SCNN1B: variants seen among roughly 807,000 people sequenced by gnomAD.
SCNN1B encodes epithelial sodium channel subunit beta.
In SCNN1B, 46 loss-of-function variants were observed where a neutral mutation model predicts 65.3. The ratio of observed to expected loss-of-function variants is 0.70; its 90% CI spans 0.56 to 0.90. SCNN1B has a LOEUF of 0.90. Ranked by LOEUF, SCNN1B falls within the 40% of genes least tolerant of loss-of-function variation. The pLI, the probability that SCNN1B is intolerant of heterozygous loss-of-function variation, is 0.00. For synonymous variants in SCNN1B, 349 were observed against 330.6 expected, an observed-to-expected ratio of 1.06 and a Z score of -0.60; for missense variants, 751 against 830.5, an observed-to-expected ratio of 0.90 and a Z score of 1.18.
intron 2 of SCNN1B, 137 bp downstream of exon 2, chr16:23,349,047 C>T: frequency 1.4e-6 from 1 of 728,246 alleles, no homozygotes; most frequent in East Asian, 2.7e-5. Context: ...CCCCTTTCTT[C>T]CTTCCTTTCT....
At position 23,315,229 on chromosome 16, in the gene SCNN1B, C is replaced by T. The variant is rs181340403; in HGVS notation, c.-9+12792C>T. Among the ~76,000 whole-genome samples, 14 of 152,116 alleles carry T rather than the reference C, an allele frequency of 9.2e-5. No individual in the cohort carries two copies. The East Asian group carries it at 2.7e-3, about 29-fold the overall frequency. The stretch of plus-strand genomic sequence containing the variant: ...GTGCATGCCTGTAGTCCCAGCTGCT[C>T]AGGAGGCTGAGGCAGGAGAATCGCT... On this transcript the variant is annotated intron_variant, in intron 1 of 12. Transcript: ENST00000343070.
intron 2 of SCNN1B, among the ~76,000 whole-genome samples, chr16:23,296,164 G>A (rs944734120): frequency 1.3e-5 from 2 of 152,092 alleles, no homozygotes; most frequent in African/African-American, 4.8e-5. Context: ...AGGAGTAGAG[G>A]CCCCACACTC....
intron 1 of SCNN1B, among the ~76,000 whole-genome samples, chr16:23,345,971 G>A (rs1962176997): frequency 6.6e-6 from 1 of 152,108 alleles, no homozygotes; most frequent in Non-Finnish European, 1.5e-5. Flanking sequence ...TTCCTGCTCT[G>A]TGTCCAGAGA....
chr16:23,317,438 G>A (rs1567294953), intron 1 of SCNN1B, among the ~76,000 whole-genome samples: 1 of 152,214 alleles, frequency 6.6e-6, no homozygotes, highest in South Asian at 2.1e-4. Flanking sequence ...GTGGGGACAT[G>A]ACTGGAGAGA....
intron 7 of SCNN1B, among the ~76,000 whole-genome samples, chr16:23,373,221 C>T (rs1485355682): frequency 6.6e-6 from 1 of 152,160 alleles, no homozygotes; most frequent in Admixed American, 6.5e-5. Flanking sequence ...TGGATTCAAG[C>T]AATCCGCCTG....
Position 23,380,710 on chromosome 16 carries a change from C to T in SCNN1B, c.1832C>T (p.Pro611Leu), listed in dbSNP as rs1963031329. 3 of 1,612,488 alleles carry T rather than the reference C, an allele frequency of 1.9e-6. No homozygotes were observed. The highest frequency in any genetic ancestry group is 1.7e-5 in the Admixed American group (1 of 60,012). ...CCCTACCCCAGTGAGCAGGCCCTGC[C>T]CATCCCAGGCACCCCGCCCCCCAAC... The part of the protein sequence containing the change: ...TGPYPSEQAL[P>L]IPGTPPPNYD... The change falls in exon 13 of 13, where the codon CCC becomes CTC. Residue 611 changes from proline to leucine, a missense_variant. Transcript: ENST00000343070. This position sits in a 1 kb window ranked among gnomAD's most constrained non-coding sequence, Gnocchi z 5.4.
chr16:23,377,190 G>A lies in SCNN1B; in HGVS notation c.1296G>A (p.Met432Ile), dbSNP rs1199095469. Residue 432 changes from methionine to isoleucine, a missense_variant, in exon 9 of 13, where the codon ATG becomes ATA. Met to Ile is a conservative substitution (Grantham distance 10, BLOSUM62 1). Transcript: ENST00000343070. ...DWAHCYSDLQ[M>I]SVAQRETCIG... ...CCCATTGCTACTCAGATCTACAGAT[G>A]AGCGTGGCGCAGAGAGAGACCTGCA... The A allele has an allele frequency of 4.3e-6, 7 of 1,614,220 alleles. No individual in the cohort carries two copies. The highest frequency in any genetic ancestry group is 2.2e-5 in the East Asian group (1 of 44,890).
At chr16:23,335,448 G>A (rs997409397) in intron 1 of SCNN1B, among the ~76,000 whole-genome samples, 6 of 137,172 alleles carry the variant, frequency 4.4e-5, no homozygotes, top group Admixed American at 4.3e-4. Context: ...CACCGTGCCA[G>A]CCTGTATTTT....
At chr16:23,287,470 G>T (rs924564284) in intron 2 of SCNN1B, among the ~76,000 whole-genome samples, 6 of 152,102 alleles carry the variant, frequency 3.9e-5, no homozygotes, top group Admixed American at 3.9e-4. Flanking sequence ...CCAACACTTT[G>T]GGAGGCTGAG....
intron 1 of SCNN1B, among the ~76,000 whole-genome samples, chr16:23,337,667 C>T (rs1961972727): frequency 6.6e-6 from 1 of 152,094 alleles, no homozygotes; most frequent in African/African-American, 2.4e-5. Context: ...CTTGAGCCAC[C>T]GTGCTTGGCC....
At chr16:23,354,758 A>T (rs1275083030) in intron 3 of SCNN1B, among the ~76,000 whole-genome samples, 1 of 152,142 alleles carries the variant, frequency 6.6e-6, no homozygotes, top group Non-Finnish European at 1.5e-5. Context: ...CACTTGTGTG[A>T]ATCTATGTAT....
rs574233724 is a variant in SCNN1B at position 23,361,722 on chromosome 16, A to G, written c.777-6134A>G. Among the ~76,000 whole-genome samples the G allele has an allele frequency of 1.1e-3, 171 of 152,252 alleles. 1 individual carries two copies. Among genetic ancestry groups the G allele is most frequent in the African/African-American group, 3.9e-3 (161 of 41,552 alleles). On this transcript the variant is annotated intron_variant, in intron 4 of 12. Transcript: ENST00000343070. ...ACTTTTGCCTACTTTCTGGCACTACAGGATGCCCCCGCCCTAGAATCAGCC... is the reference window on the plus strand; with the variant it reads ...ACTTTTGCCTACTTTCTGGCACTACGGGATGCCCCCGCCCTAGAATCAGCC...
chr16:23,355,384 C>T lies in SCNN1B; in HGVS notation c.671C>T (p.Thr224Ile). ...ALTEWYILQA[T>I]NIFAQVPQQE... ...ACAGAGTGGTACATCCTGCAGGCCACCAACATCTTTGCACAGGTGCCACAG... is the reference window on the plus strand; with the variant it reads ...ACAGAGTGGTACATCCTGCAGGCCATCAACATCTTTGCACAGGTGCCACAG... Residue 224 changes from threonine to isoleucine, a missense_variant, in exon 4 of 13, where the codon ACC becomes ATC. By Grantham distance (89) the Thr-to-Ile change is moderately conservative (BLOSUM62 -1). Coordinates refer to ENST00000343070, the MANE Select transcript of SCNN1B (RefSeq NM_000336.3). 1 of 1,614,180 alleles carries T rather than the reference C, an allele frequency of 6.2e-7. No homozygotes were observed. The highest frequency in any genetic ancestry group is 8.5e-7 in the Non-Finnish European group (1 of 1,180,034).
intron 4 of SCNN1B, among the ~76,000 whole-genome samples, chr16:23,365,895 A>G (rs762161520): frequency 3.9e-5 from 6 of 152,268 alleles, no homozygotes; most frequent in Non-Finnish European, 4.4e-5. Flanking sequence ...ATCCCATTTC[A>G]CAGCCTGTCC....
Position 23,279,071 on chromosome 16 carries a change from T to G in SCNN1B, n.110+731T>G, listed in dbSNP as rs375245213. Among the ~76,000 whole-genome samples the G allele has an allele frequency of 1.2e-4, 17 of 137,478 alleles. 1 individual carries two copies. The highest frequency in any genetic ancestry group is 1.6e-4 in the African/African-American group (5 of 31,294). The allele number at this position is 137,478 out of a possible 152,430, so 90.2% of individuals were successfully genotyped here. A position where few individuals can be genotyped will look rare whatever the true frequency, so the allele number is the denominator to read the frequency against. On this transcript the variant is annotated intron_variant and non_coding_transcript_variant, in intron 1 of 3. Coordinates refer to the SCNN1B transcript ENST00000569789. Reference sequence around the variant, plus strand: ...CTTTGGTCTGAAAATTTTGTGTGTGTGGGGTGTGTGTGTGTGTGTGTGTGT... The same window carrying G: ...CTTTGGTCTGAAAATTTTGTGTGTGGGGGGTGTGTGTGTGTGTGTGTGTGT...
chr16:23,292,672 T>A (rs1365417921), intron 2 of SCNN1B, among the ~76,000 whole-genome samples: 1 of 151,320 alleles, frequency 6.6e-6, no homozygotes, highest in Non-Finnish European at 1.5e-5. Context: ...CCTGGCTAAT[T>A]TTTTGATTTT....
Position 23,380,321 on chromosome 16 carries a change from T to G in SCNN1B, c.1543-100T>G, listed in dbSNP as rs1596893834. 4 of 1,577,056 alleles carry G rather than the reference T, an allele frequency of 2.5e-6. No individual in the cohort carries two copies. The highest frequency in any genetic ancestry group is 3.5e-6 in the Non-Finnish European group (4 of 1,149,168). On this transcript the variant is annotated intron_variant, in intron 12 of 12. Transcript: ENST00000343070. This position sits in a 1 kb window ranked among gnomAD's most constrained non-coding sequence, Gnocchi z 5.4. ...CCCCTGGGCCAAGATGGTCACCCCC[T>G]CCCGTTCCCACCCAAGAATCACCTC...
intron 1 of SCNN1B, among the ~76,000 whole-genome samples, chr16:23,278,517 A>G (rs1288103000): frequency 6.6e-6 from 1 of 152,100 alleles, no homozygotes; most frequent in Non-Finnish European, 1.5e-5. Flanking sequence ...CAGAATAGGT[A>G]AATCCATGCA....
intron 1 of SCNN1B, among the ~76,000 whole-genome samples, chr16:23,313,897 A>T (rs1249697773): frequency 1.3e-5 from 2 of 152,190 alleles, no homozygotes; most frequent in Non-Finnish European, 2.9e-5. Flanking sequence ...GACATGAGCC[A>T]TGCACCCGGC....
Sources: gnomAD v4.1 joint callset for allele counts (sites outside exome capture counted in the v4.1 genomes callset) on GRCh38, gnomAD v4.1.1 for gene constraint, Gnocchi (gnomAD v3.1) non-coding constraint, MANE v1.5 for transcripts, NCBI Gene and HGNC (gene_info 2026-07-23, HGNC 2026-07-21) for gene names.